The following RAB39A variants were observed in gnomAD, a reference collection of about 807,000 sequenced individuals.
RAB39A encodes ras-related protein Rab-39A.
In RAB39A, 17 loss-of-function variants were observed where a neutral mutation model predicts 20.9. That is an observed-to-expected ratio of 0.81 (90% CI 0.56 to 1.22). The LOEUF is 1.22. Among genes scored for constraint, RAB39A ranks in the 50% most tolerant of loss-of-function variants. RAB39A has a pLI of 0.00. For synonymous variants in RAB39A, 99 were observed against 103.4 expected (o/e 0.96, Z 0.26); for missense variants, 234 against 270.5 (o/e 0.87, Z 0.95).
At chr11:107,955,118 T>C (rs1229564648) in intron 1 of RAB39A, among the ~76,000 whole-genome samples, 1 of 142,534 alleles carries the variant, frequency 7.0e-6, no homozygotes, top group African/African-American at 2.6e-5. Context: ...TGCCTCAGCC[T>C]CCCGAGGAGC....
At chr11:107,955,111 C>G (rs1462611381) in intron 1 of RAB39A, among the ~76,000 whole-genome samples, 1 of 150,850 alleles carries the variant, frequency 6.6e-6, no homozygotes. Context: ...ATTCTCCTGC[C>G]TCAGCCTCCC....
At chr11:107,937,133 C>T (rs562086776) in intron 1 of RAB39A, among the ~76,000 whole-genome samples, 5 of 152,100 alleles carry the variant, frequency 3.3e-5, no homozygotes, top group Middle Eastern at 3.4e-3. Flanking sequence ...TAGCCAAATT[C>T]ATTTATTTAT....
At chr11:107,942,098 C>CAAA (rs10537482) in intron 1 of RAB39A, among the ~76,000 whole-genome samples, 18 of 83,748 alleles carry the variant, frequency 2.1e-4, no homozygotes, top group East Asian at 3.8e-4. Flanking sequence ...GATTCCATCT[C>CAAA]AAAAAAAAAA....
chr11:107,960,713 G>A (rs574914784), intron 1 of RAB39A, among the ~76,000 whole-genome samples: 5 of 152,214 alleles, frequency 3.3e-5, no homozygotes, highest in Admixed American at 6.5e-5. Flanking sequence ...GGTTGGAAGA[G>A]GAGAGGACAG....
Position 107,928,576 on chromosome 11 carries a change from C to T in RAB39A, c.8C>T (p.Thr3Ile). The T allele has an allele frequency of 6.6e-7, 1 of 1,522,754 alleles. No individual in the cohort carries two copies. 94.3% of individuals were successfully genotyped at this position (1,522,754 alleles called of 1,614,324 possible). ME[T>I]IWIYQFRLIV... ...CAGCGGGGCACGTGAGCGATGGAGACCATCTGGATCTACCAGTTCCGCCTC... is the reference window on the plus strand; with the variant it reads ...CAGCGGGGCACGTGAGCGATGGAGATCATCTGGATCTACCAGTTCCGCCTC... Residue 3 changes from threonine (T) to isoleucine (I), a missense_variant, in exon 1 of 2, where the codon ACC (threonine) becomes ATC (isoleucine). Coordinates refer to ENST00000320578, the MANE Select transcript of RAB39A (RefSeq NM_017516.3). This position sits in a 1 kb window ranked among gnomAD's most constrained non-coding sequence, Gnocchi z 4.9.
intron 1 of RAB39A, among the ~76,000 whole-genome samples, chr11:107,952,397 C>T (rs1861390201): frequency 6.6e-6 from 1 of 152,014 alleles, no homozygotes; most frequent in South Asian, 2.1e-4. Flanking sequence ...GCCTGGCCAA[C>T]ATGTGAAACT....
rs549804717 is a variant in RAB39A, at chr11:107,960,914, C to G, written c.228-1032C>G. On this transcript the variant is annotated intron_variant, in intron 1 of 1. Transcript: ENST00000320578. ...CAGCGCCTCCCATTGGCTGAACCCC[C>G]CTGCAAGCTGGAGGGCAAGGGAGTT... 2.3e-4 allele frequency among the ~76,000 whole-genome samples: 35 copies of G among 152,264 alleles called. No individual in the cohort carries two copies. The East Asian group carries it at 5.6e-3, about 24-fold the overall frequency.
At chr11:107,954,211 T>C (rs1171291837) in intron 1 of RAB39A, among the ~76,000 whole-genome samples, 2 of 152,208 alleles carry the variant, frequency 1.3e-5, no homozygotes, top group African/African-American at 4.8e-5. Flanking sequence ...CAGGCCAACC[T>C]AGGTAAGATT....
chr11:107,944,401 T>C (rs1442788023), intron 1 of RAB39A, among the ~76,000 whole-genome samples: 1 of 152,166 alleles, frequency 6.6e-6, no homozygotes. Context: ...GGTCTGTTAA[T>C]AGATACTGGA....
intron 1 of RAB39A, among the ~76,000 whole-genome samples, chr11:107,940,908 G>A (rs1410203589): frequency 6.6e-6 from 1 of 152,042 alleles, no homozygotes; most frequent in Non-Finnish European, 1.5e-5. Context: ...GGGAGACAGA[G>A]GTTGCAGAGA....
At chr11:107,961,400 A>G (rs1047968511) in intron 1 of RAB39A, among the ~76,000 whole-genome samples, 1 of 152,032 alleles carries the variant, frequency 6.6e-6, no homozygotes, top group Non-Finnish European at 1.5e-5. Flanking sequence ...CCTAAATTAC[A>G]TCCCAAAGGC....
chr11:107,948,733 C>T (rs1367496346), intron 1 of RAB39A, among the ~76,000 whole-genome samples: 1 of 152,118 alleles, frequency 6.6e-6, no homozygotes, highest in Non-Finnish European at 1.5e-5. Flanking sequence ...AGCCACCGCG[C>T]CCAGCTAAAG....
intron 1 of RAB39A, among the ~76,000 whole-genome samples, chr11:107,938,564 T>TTAA (rs544720923): frequency 2.3e-3 from 216 of 95,232 alleles, no homozygotes; most frequent in African/African-American, 8.1e-3. Context: ...ACCTCGTCTA[T>TTAA]AAAAAAAAAA....
chr11:107,960,007 C>T (rs916131967), intron 1 of RAB39A, among the ~76,000 whole-genome samples: 4 of 152,124 alleles, frequency 2.6e-5, no homozygotes, highest in African/African-American at 7.2e-5. Context: ...GTCAAGAGAT[C>T]GAGAGCATCT....
intron 1 of RAB39A, among the ~76,000 whole-genome samples, chr11:107,938,610 C>T (rs1861225554): frequency 6.7e-6 from 1 of 149,814 alleles, no homozygotes; most frequent in Non-Finnish European, 1.5e-5. Flanking sequence ...GTGGAGTGCC[C>T]CTGTAGTCCC....
At chr11:107,961,081 C>T (rs920991761) in intron 1 of RAB39A, among the ~76,000 whole-genome samples, 5 of 152,154 alleles carry the variant, frequency 3.3e-5, no homozygotes, top group Non-Finnish European at 5.9e-5. Context: ...TGAATAGGTG[C>T]AACACAAGAC....
chr11:107,929,053 G>T (rs1284960533), intron 1 of RAB39A, among the ~76,000 whole-genome samples: 19 of 151,174 alleles, frequency 1.3e-4, no homozygotes, highest in Non-Finnish European at 5.9e-5. Flanking sequence ...CCTGAACCGG[G>T]GTCGTCCTCG....
chr11:107,950,521 C>G (rs1861366894), intron 1 of RAB39A, among the ~76,000 whole-genome samples: 1 of 152,098 alleles, frequency 6.6e-6, no homozygotes, highest in East Asian at 1.9e-4. Context: ...AATCCCAGCA[C>G]TTTCGGAGGC....
At chr11:107,929,953 TGAGGG>T (rs1565460319) in intron 1 of RAB39A, among the ~76,000 whole-genome samples, 1 of 152,196 alleles carries the variant, frequency 6.6e-6, no homozygotes, top group Non-Finnish European at 1.5e-5. Flanking sequence ...CAGTGTTCCA[TGAGGG>T]GACTTCCCAA....
Sources: allele counts gnomAD v4.1 joint callset (sites outside exome capture counted in the v4.1 genomes callset), GRCh38; gene constraint gnomAD v4.1.1; non-coding constraint Gnocchi (gnomAD v3.1); transcripts MANE v1.5; gene names NCBI Gene and HGNC (gene_info 2026-07-23, HGNC 2026-07-21).